ZCCHC24: variants seen among roughly 807,000 people sequenced by gnomAD.
ZCCHC24 encodes the protein zinc finger CCHC-type containing 24.
A neutral mutation model predicts 26.2 loss-of-function variants in ZCCHC24; 10 were observed. That is an observed-to-expected ratio of 0.38 (90% CI 0.24 to 0.65). The LOEUF (loss-of-function observed/expected upper bound fraction) is 0.65, where lower values mean the gene tolerates loss of function less well. Among genes scored for constraint, ZCCHC24 ranks in the 30% least tolerant of loss-of-function variants. ZCCHC24 has a pLI of 0.54. For missense variants in ZCCHC24, 243 were observed against 329.1 expected (o/e 0.74, Z 2.03); for synonymous variants, 144 against 147.1 (o/e 0.98, Z 0.15).
intron 2 of ZCCHC24, among the ~76,000 whole-genome samples, chr10:79,428,524 CATACAACGATGTG>C (rs1480176545): frequency 6.6e-6 from 1 of 151,746 alleles, no homozygotes; most frequent in Non-Finnish European, 1.5e-5. Flanking sequence ...TGGTGATGGT[CATACAACGATGTG>C]AATGTATTTA....
chr10:79,421,775 C>A (rs181427481), intron 2 of ZCCHC24, among the ~76,000 whole-genome samples: 1 of 152,016 alleles, frequency 6.6e-6, no homozygotes, highest in Non-Finnish European at 1.5e-5. Flanking sequence ...TATAGGTGTG[C>A]GCCACCACAC....
intron 2 of ZCCHC24, among the ~76,000 whole-genome samples, chr10:79,423,129 A>G (rs1325244426): frequency 2.6e-5 from 4 of 152,320 alleles, no homozygotes; most frequent in Admixed American, 2.6e-4. Flanking sequence ...GTCCTATCAT[A>G]GGAGAGACCC....
intron 2 of ZCCHC24, among the ~76,000 whole-genome samples, chr10:79,424,472 G>A (rs1224403957): frequency 2.0e-5 from 3 of 152,122 alleles, no homozygotes; most frequent in Admixed American, 6.5e-5. Context: ...TGGGCACCAC[G>A]GCCCATAGAT....
At chr10:79,420,158 C>T (rs1856918016) in intron 2 of ZCCHC24, among the ~76,000 whole-genome samples, 1 of 151,908 alleles carries the variant, frequency 6.6e-6, no homozygotes, top group Admixed American at 6.6e-5. Flanking sequence ...ACTGACAGCC[C>T]ACAGGCGGCA....
chr10:79,399,991 G>A (rs1856608852), intron 2 of ZCCHC24, among the ~76,000 whole-genome samples: 3 of 152,218 alleles, frequency 2.0e-5, no homozygotes, highest in South Asian at 2.1e-4. Flanking sequence ...CCCTGGTCAG[G>A]CAGGTGGATC....
chr10:79,405,512 G>T (rs916546333), intron 2 of ZCCHC24, among the ~76,000 whole-genome samples: 1 of 152,240 alleles, frequency 6.6e-6, no homozygotes, highest in Admixed American at 6.5e-5. Flanking sequence ...TCCAGTCCCA[G>T]GACGCCTCCT....
At chr10:79,415,381 G>A (rs752648722) in intron 2 of ZCCHC24, among the ~76,000 whole-genome samples, 52 of 152,282 alleles carry the variant, frequency 3.4e-4, no homozygotes, top group Non-Finnish European at 5.0e-4. Context: ...CTGGGAATCC[G>A]TTCCAGCTCT....
At chr10:79,388,062 C>T (rs1856425209) in intron 3 of ZCCHC24, among the ~76,000 whole-genome samples, 3 of 152,128 alleles carry the variant, frequency 2.0e-5, no homozygotes, top group South Asian at 2.1e-4. Context: ...GACCTGGGCT[C>T]GAATGCCGGC....
chr10:79,388,462 TAAG>T (rs1027498008), intron 3 of ZCCHC24, among the ~76,000 whole-genome samples: 3 of 152,202 alleles, frequency 2.0e-5, no homozygotes, highest in African/African-American at 4.8e-5. Flanking sequence ...GCCTGCACTG[TAAG>T]AAGACTTCCC....
At chr10:79,442,305 G>C (rs996333934) in intron 1 of ZCCHC24, among the ~76,000 whole-genome samples, 2 of 152,114 alleles carry the variant, frequency 1.3e-5, no homozygotes, top group Non-Finnish European at 2.9e-5. Flanking sequence ...GTCACCTCCT[G>C]GTGCTTGCTC....
In ZCCHC24 at chr10:79,384,877, C is replaced by A. The variant is rs1856367761; in HGVS notation, c.*1468G>T. On this transcript the variant is annotated 3_prime_UTR_variant, in exon 4 of 4. Coordinates refer to ENST00000372336, the MANE Select transcript of ZCCHC24 (RefSeq NM_153367.4). ...GCAAAATCAAGAGACCCAGTTCTGACAGCCGGGAGAAAGGAAGGGTCAAGA... is the reference window on the plus strand; with the variant it reads ...GCAAAATCAAGAGACCCAGTTCTGAAAGCCGGGAGAAAGGAAGGGTCAAGA... The A allele has an allele frequency of 6.6e-6, 1 of 152,110 alleles. No homozygotes were observed. The allele number at this position is 152,110 out of a possible 1,614,324, so 9.4% of individuals were successfully genotyped here.
At chr10:79,404,622 C>T (rs1856684686) in intron 2 of ZCCHC24, among the ~76,000 whole-genome samples, 1 of 152,202 alleles carries the variant, frequency 6.6e-6, no homozygotes, top group African/African-American at 2.4e-5. Flanking sequence ...AGATCTTGCA[C>T]ATCCCTCTTT....
intron 3 of ZCCHC24, among the ~76,000 whole-genome samples, chr10:79,389,249 AG>A (rs1856438886): frequency 6.6e-6 from 1 of 152,212 alleles, no homozygotes. Flanking sequence ...GGGCTGACAG[AG>A]GTTTTGCAGG....
Position 79,432,543 on chromosome 10 carries a change from C to T in ZCCHC24, c.447+15G>A, listed in dbSNP as rs1283743279. ...GGGGAGCCCAAGAGCACCCCCTGGGCCAGGGCTGCCTTACCTGGGGGCAGT... is the reference window on the plus strand; with the variant it reads ...GGGGAGCCCAAGAGCACCCCCTGGGTCAGGGCTGCCTTACCTGGGGGCAGT... On this transcript the variant is annotated intron_variant, in intron 2 of 3. Coordinates refer to ENST00000372336, the MANE Select transcript of ZCCHC24 (RefSeq NM_153367.4). 1 of 1,590,900 alleles carries T rather than the reference C, an allele frequency of 6.3e-7. No individual in the cohort carries two copies.
chr10:79,428,633 A>C (rs1857081641), intron 2 of ZCCHC24, among the ~76,000 whole-genome samples: 1 of 152,174 alleles, frequency 6.6e-6, no homozygotes, highest in South Asian at 2.1e-4. Flanking sequence ...GTAAAGATGC[A>C]AGTGGAAATT....
chr10:79,394,227 G>A (rs754857490), intron 3 of ZCCHC24, 49 bp downstream of exon 3: 1 of 1,585,714 alleles, frequency 6.3e-7, no homozygotes, highest in South Asian at 1.1e-5. Context: ...TAAGGGAAAA[G>A]TTGCCCTCCC....
At chr10:79,432,833 G>T in intron 1 of ZCCHC24, 75 bp from the exon 2 acceptor site, 1 of 1,481,942 alleles carries the variant, frequency 6.7e-7, no homozygotes, top group Non-Finnish European at 9.1e-7. Flanking sequence ...CCAAACACAC[G>T]CATGGATTCA....
chr10:79,425,519 T>G (rs539937326), intron 2 of ZCCHC24, among the ~76,000 whole-genome samples: 88 of 152,154 alleles, frequency 5.8e-4, no homozygotes, highest in Non-Finnish European at 1.1e-3. Context: ...GATCAAAGTC[T>G]GGATGCCAAG....
chr10:79,421,390 G>C (rs1856933089), intron 2 of ZCCHC24, among the ~76,000 whole-genome samples: 1 of 151,462 alleles, frequency 6.6e-6, no homozygotes, highest in African/African-American at 2.4e-5. Context: ...TCCTCAGTGG[G>C]AACACAGAAT....
Sources: gnomAD v4.1 joint callset for allele counts (sites outside exome capture counted in the v4.1 genomes callset) on GRCh38, gnomAD v4.1.1 for gene constraint, MANE v1.5 for transcripts, NCBI Gene and HGNC (gene_info 2026-07-23, HGNC 2026-07-21) for gene names.